The following ARHGAP42 variants were observed in gnomAD, a reference collection of about 807,000 sequenced individuals.
ARHGAP42 encodes rho GTPase-activating protein 42.
ARHGAP42 carries 63 observed loss-of-function variants against 125.0 expected under a neutral mutation model. The ratio of observed to expected loss-of-function variants is 0.50; its 90% CI spans 0.41 to 0.62. The LOEUF (loss-of-function observed/expected upper bound fraction) is 0.62. Ranked by LOEUF, ARHGAP42 falls within the 20% of genes least tolerant of loss-of-function variation. The pLI, the probability that ARHGAP42 is intolerant of heterozygous loss-of-function variation, is 0.00. For missense variants in ARHGAP42, 766 were observed against 1,024.2 expected, an observed-to-expected ratio of 0.75 and a Z score of 3.44; for synonymous variants, 339 against 351.0, an observed-to-expected ratio of 0.97 and a Z score of 0.38.
At chr11:100,834,067 G>A (rs950968686) in intron 3 of ARHGAP42, among the ~76,000 whole-genome samples, 6 of 152,108 alleles carry the variant, frequency 3.9e-5, no homozygotes, top group Admixed American at 3.9e-4. Flanking sequence ...CTATATGGTA[G>A]GCACTGTTGT....
intron 4 of ARHGAP42, among the ~76,000 whole-genome samples, chr11:100,879,321 G>A (rs1170376984): frequency 6.6e-6 from 1 of 152,112 alleles, no homozygotes; most frequent in East Asian, 1.9e-4. Context: ...GAAGTACTGA[G>A]TGACTAGAAA....
At chr11:100,806,117 T>C (rs1184685272) in intron 3 of ARHGAP42, among the ~76,000 whole-genome samples, 2 of 152,330 alleles carry the variant, frequency 1.3e-5, no homozygotes, top group Non-Finnish European at 1.5e-5. Flanking sequence ...GAAAACTTTA[T>C]CCATCAATCC....
chr11:100,740,585 G>T (rs1862163506), intron 1 of ARHGAP42, among the ~76,000 whole-genome samples: 1 of 152,212 alleles, frequency 6.6e-6, no homozygotes, highest in African/African-American at 2.4e-5. Flanking sequence ...GGTATAGGGG[G>T]AGGAGAATGG....
intron 1 of ARHGAP42, among the ~76,000 whole-genome samples, chr11:100,750,782 G>C (rs1862430583): frequency 6.6e-6 from 1 of 152,264 alleles, no homozygotes; most frequent in Admixed American, 6.5e-5. Flanking sequence ...GCTTTATAAG[G>C]AAGTTAAGTT....
At chr11:100,941,001 T>C (rs1867869636) in intron 8 of ARHGAP42, among the ~76,000 whole-genome samples, 1 of 151,976 alleles carries the variant, frequency 6.6e-6, no homozygotes, top group South Asian at 2.1e-4. Flanking sequence ...GAGAGATAAG[T>C]ATTAAGGTGA....
intron 7 of ARHGAP42, among the ~76,000 whole-genome samples, chr11:100,935,922 G>A (rs1565283914): frequency 6.6e-6 from 1 of 152,014 alleles, no homozygotes; most frequent in Non-Finnish European, 1.5e-5. Context: ...GCTTGAGCCC[G>A]GGAATTTGAG....
At chr11:100,852,235 T>G (rs546517172) in intron 3 of ARHGAP42, among the ~76,000 whole-genome samples, 1 of 152,330 alleles carries the variant, frequency 6.6e-6, no homozygotes, top group Non-Finnish European at 1.5e-5. Context: ...TCCATTTTTC[T>G]TAAACTTTTA....
intron 1 of ARHGAP42, among the ~76,000 whole-genome samples, chr11:100,708,713 C>T (rs1292490042): frequency 6.6e-6 from 1 of 152,056 alleles, no homozygotes; most frequent in Non-Finnish European, 1.5e-5. Context: ...TGTTCACATG[C>T]ACACACTTAA....
At chr11:100,922,879 C>T (rs1444579374) in intron 6 of ARHGAP42, among the ~76,000 whole-genome samples, 2 of 152,110 alleles carry the variant, frequency 1.3e-5, no homozygotes, top group African/African-American at 4.8e-5. Context: ...CAGCTTCCAG[C>T]TAGAAAGATT....
chr11:100,688,834 G>A (rs529817586), intron 1 of ARHGAP42, among the ~76,000 whole-genome samples: 63 of 152,288 alleles, frequency 4.1e-4, no homozygotes, highest in African/African-American at 1.4e-3. Context: ...AAATGAAGCC[G>A]TGGAATCTCT....
At position 100,827,562 on chromosome 11, in the gene ARHGAP42, A is replaced by G. The variant is rs182756297; in HGVS notation, c.313-31992A>G. On this transcript the variant is annotated intron_variant, in intron 3 of 23. Transcript: ENST00000298815. ...TGTTTACCTGGGGTCATTTTCTACAAGGGTAATGCCAGTAGGATGGGAAAC... is the reference window on the plus strand; with the variant it reads ...TGTTTACCTGGGGTCATTTTCTACAGGGGTAATGCCAGTAGGATGGGAAAC... 2.1e-3 allele frequency among the ~76,000 whole-genome samples: 318 copies of G among 152,320 alleles called. 2 individuals are homozygous for G. Among genetic ancestry groups the G allele is most frequent in the African/African-American group, 7.3e-3 (302 of 41,578 alleles).
chr11:100,762,610 G>GAA (rs1425582031), intron 1 of ARHGAP42, among the ~76,000 whole-genome samples: 1 of 152,168 alleles, frequency 6.6e-6, no homozygotes, highest in Non-Finnish European at 1.5e-5. Flanking sequence ...TTTTAGGCAT[G>GAA]TATATAAAAC....
At chr11:100,808,430 G>A (rs1193757183) in intron 3 of ARHGAP42, among the ~76,000 whole-genome samples, 10 of 123,176 alleles carry the variant, frequency 8.1e-5, no homozygotes, top group Admixed American at 2.1e-4. Context: ...ACGGAGTCTC[G>A]CTCTGTCGCC....
rs562347451 is a variant in ARHGAP42, at chr11:100,747,492, T to C, written c.155-22851T>C. Among the ~76,000 whole-genome samples the C allele has an allele frequency of 3.9e-5, 6 of 152,374 alleles. No homozygotes were observed. The South Asian group carries it at 6.2e-4, about 16-fold the overall frequency. On this transcript the variant is annotated intron_variant, in intron 1 of 23. Coordinates refer to ENST00000298815, the MANE Select transcript of ARHGAP42 (RefSeq NM_152432.4). ...TAATTTTTGTTAAAGAGCGGATTAG[T>C]GCTTTAAGAAAATCCTGTTGTGCTT...
At chr11:100,861,231 G>C (rs1053954717) in intron 4 of ARHGAP42, among the ~76,000 whole-genome samples, 4 of 152,164 alleles carry the variant, frequency 2.6e-5, no homozygotes, top group African/African-American at 9.7e-5. Context: ...AATGGAATAT[G>C]GGAATGAATG....
chr11:100,712,942 T>C (rs1861589170), intron 1 of ARHGAP42, among the ~76,000 whole-genome samples: 1 of 152,254 alleles, frequency 6.6e-6, no homozygotes, highest in South Asian at 2.1e-4. Flanking sequence ...CCAATTATCT[T>C]TGAGCAGTGC....
intron 16 of ARHGAP42, 51 bp from the exon 17 acceptor site, chr11:100,965,620 C>A: frequency 7.1e-7 from 1 of 1,416,574 alleles, no homozygotes; most frequent in Non-Finnish European, 9.7e-7. Flanking sequence ...TTTACATACC[C>A]AATTGAATGG....
chr11:100,945,269 C>T (rs1235904773), intron 10 of ARHGAP42, among the ~76,000 whole-genome samples: 2 of 152,054 alleles, frequency 1.3e-5, no homozygotes, highest in Admixed American at 6.6e-5. Flanking sequence ...ATTTTCACTA[C>T]ATCTGCAGTA....
In ARHGAP42 at chr11:100,727,047, C is replaced by T. The variant is rs143307327; in HGVS notation, c.154+39215C>T. 3.6e-3 allele frequency among the ~76,000 whole-genome samples: 540 copies of T among 152,092 alleles called. 4 individuals are homozygous for T. The highest frequency in any genetic ancestry group is 0.012 in the African/African-American group (516 of 41,462). On this transcript the variant is annotated intron_variant, in intron 1 of 23. Transcript: ENST00000298815. The stretch of plus-strand genomic sequence containing the variant: ...AATTCCTCTGTTCCTCCTGGGGATC[C>T]GTGAAAATCACCTGCTGTCATGTGT...
Sources: gnomAD v4.1 joint callset for allele counts (sites outside exome capture counted in the v4.1 genomes callset) on GRCh38, gnomAD v4.1.1 for gene constraint, MANE v1.5 for transcripts, NCBI Gene and HGNC (gene_info 2026-07-23, HGNC 2026-07-21) for gene names.